SRR: variants seen among roughly 807,000 people sequenced by gnomAD.
SRR encodes the protein D-serine ammonia-lyase.
Under a neutral mutation model 32.7 loss-of-function variants are expected in SRR, and 19 were observed. The ratio of observed to expected loss-of-function variants is 0.58; its 90% CI spans 0.40 to 0.85. The LOEUF (loss-of-function observed/expected upper bound fraction) is 0.85, where lower values mean the gene tolerates loss of function less well. SRR is among the 40% of genes least tolerant of loss of function. The pLI is 0.00. For synonymous variants in SRR, 142 were observed against 140.9 expected, an observed-to-expected ratio of 1.01 and a Z score of -0.06; for missense variants, 373 against 404.7, an observed-to-expected ratio of 0.92 and a Z score of 0.67.
chr17:2,320,065 A>G (rs1034605373), intron 4 of SRR, among the ~76,000 whole-genome samples: 6 of 151,098 alleles, frequency 4.0e-5, no homozygotes, highest in African/African-American at 1.2e-4. Flanking sequence ...TGATCCACCC[A>G]CCTCGGCCTC....
intron 1 of SRR, among the ~76,000 whole-genome samples, chr17:2,304,653 G>T (rs138022112): frequency 0.029 from 4,452 of 151,852 alleles, 109 homozygotes; most frequent in Middle Eastern, 0.078. Flanking sequence ...GACTCGGAAC[G>T]CTGAGACGGG....
Position 2,323,820 on chromosome 17 carries a change from A to G in SRR, c.970A>G (p.Thr324Ala). 4 of 1,614,080 alleles carry G rather than the reference A, an allele frequency of 2.5e-6. No homozygotes were observed. The South Asian group carries it at 3.3e-5, about 13-fold the overall frequency. ...AAATGTAGACTTAACCTCCTCCATA[A>G]CTTGGGTGAAGCAGGCTGAAAGGCC... is the stretch of plus-strand genomic sequence containing the variant. ...GGNVDLTSSI[T>A]WVKQAERPAS... The change falls in exon 8 of 8, where the codon ACT becomes GCT. Residue 324 changes from threonine (T) to alanine (A), a missense_variant. Physicochemically the swap from Thr to Ala is moderately conservative, Grantham distance 58. Transcript: ENST00000344595.
intron 3 of SRR, 58 bp from the exon 4 acceptor site, chr17:2,318,768 C>A: frequency 7.6e-7 from 1 of 1,316,978 alleles, no homozygotes; most frequent in Non-Finnish European, 1.1e-6. Flanking sequence ...CCGTGCCTGG[C>A]CACATAAGTT....
upstream of SRR, chr17:2,303,588 G>A: frequency 1.5e-6 from 2 of 1,376,048 alleles, no homozygotes; most frequent in Non-Finnish European, 9.4e-7. Flanking sequence ...GGAGAGGGAG[G>A]CGGGGCGGGC....
At chr17:2,310,361 C>T (rs538042599) in intron 1 of SRR, among the ~76,000 whole-genome samples, 17 of 152,066 alleles carry the variant, frequency 1.1e-4, no homozygotes, top group African/African-American at 3.4e-4. Flanking sequence ...CCACTACAGG[C>T]GCCTGCCACC....
chr17:2,315,240 CAAA>C (rs397856755), intron 1 of SRR: 201 of 61,312 alleles, frequency 3.3e-3, no homozygotes, highest in Middle Eastern at 0.023. Flanking sequence ...GACTCCGTCT[CAAA>C]AAAAAAAAAA....
intron 1 of SRR, chr17:2,307,060 C>A: frequency 8.4e-7 from 1 of 1,185,818 alleles, no homozygotes; most frequent in Non-Finnish European, 1.2e-6. Context: ...ACCAGATGCC[C>A]ACTTAACTAT....
intron 7 of SRR, 66 bp downstream of exon 7, chr17:2,323,411 C>A: frequency 6.3e-7 from 1 of 1,584,010 alleles, no homozygotes; most frequent in South Asian, 1.1e-5. Flanking sequence ...AGAAACTTCC[C>A]TTAGGAGTAG....
chr17:2,311,070 G>A (rs907811879), intron 1 of SRR, among the ~76,000 whole-genome samples: 10 of 149,830 alleles, frequency 6.7e-5, no homozygotes, highest in South Asian at 2.1e-4. Flanking sequence ...TAATGGAGAC[G>A]GGATTTTACT....
intron 4 of SRR, among the ~76,000 whole-genome samples, chr17:2,320,445 A>G (rs1363654289): frequency 6.8e-6 from 1 of 147,194 alleles, no homozygotes; most frequent in Middle Eastern, 3.9e-3. Flanking sequence ...TAGTACAGAC[A>G]GGGTTTCACC....
intron 6 of SRR, 55 bp from the exon 7 acceptor site, chr17:2,323,081 C>A: frequency 1.3e-6 from 2 of 1,563,772 alleles, no homozygotes; most frequent in Non-Finnish European, 1.8e-6. Context: ...TTCTTTTAGA[C>A]ATGCAGGCAA....
chr17:2,318,747 G>A (rs1396942072), intron 3 of SRR, 79 bp from the exon 4 acceptor site: 20 of 978,670 alleles, frequency 2.0e-5, no homozygotes, highest in African/African-American at 1.1e-4. Flanking sequence ...TGGGATTACA[G>A]GTGTGACCCA....
chr17:2,303,673 G>C, upstream of SRR: 1 of 1,495,506 alleles, frequency 6.7e-7, no homozygotes, highest in South Asian at 1.3e-5. Flanking sequence ...CCAGGATCCC[G>C]CGCAGCTCCG....
chr17:2,304,326 A>G, intron 1 of SRR, among the ~76,000 whole-genome samples: 1 of 151,554 alleles, frequency 6.6e-6, no homozygotes. Flanking sequence ...GTCTCGGCTC[A>G]CTGCAACCTC....
At chr17:2,321,660 A>G in intron 6 of SRR, 44 bp downstream of exon 6, 1 of 1,560,130 alleles carries the variant, frequency 6.4e-7, no homozygotes, top group Non-Finnish European at 8.8e-7. Context: ...CAGAGGATTT[A>G]CTTTACATCC....
intron 3 of SRR, among the ~76,000 whole-genome samples, chr17:2,318,269 T>C (rs1190111629): frequency 6.6e-6 from 1 of 151,590 alleles, no homozygotes; most frequent in Non-Finnish European, 1.5e-5. Flanking sequence ...CTCAGCCTCC[T>C]GAGTAGCTGG....
rs779697164 is a variant in SRR, at chr17:2,324,492, G to A, written c.*619G>A. 20 of 1,614,152 alleles carry A rather than the reference G, an allele frequency of 1.2e-5. No individual in the cohort carries two copies. Among genetic ancestry groups the A allele is most frequent in the East Asian group, 4.5e-5 (2 of 44,888 alleles). On this transcript the variant is annotated 3_prime_UTR_variant, in exon 8 of 8. Coordinates refer to ENST00000344595, the MANE Select transcript of SRR (RefSeq NM_021947.3). ...AAATGCAGACATGGTCTCAAATCCC[G>A]TGTTTCCTTACCTAAAGGTTCCTTG...
chr17:2,317,206 GGAAAAAA>G (rs139207494), intron 2 of SRR, among the ~76,000 whole-genome samples: 30,697 of 111,490 alleles, frequency 0.28, 4,607 homozygotes, highest in East Asian at 0.6. Flanking sequence ...CCATCTCGGG[GGAAAAAA>G]AAAAAAAAAA....
chr17:2,324,244 C>T lies in SRR; in HGVS notation c.*371C>T, dbSNP rs777808627. 5.2e-6 allele frequency: 8 copies of T among 1,531,924 alleles called. No homozygotes were observed. Among genetic ancestry groups the T allele is most frequent in the Non-Finnish European group, 7.0e-6 (8 of 1,146,026 alleles). 94.9% of individuals were successfully genotyped at this position (1,531,924 alleles called of 1,614,324 possible). A position where few individuals can be genotyped will look rare whatever the true frequency, so the allele number is the denominator to read the frequency against. ...CTGTTGAAGAAATCTCACTTTTCAGCCAGGGTACTGGTTCTGGTACATATG... is the reference window on the plus strand; with the variant it reads ...CTGTTGAAGAAATCTCACTTTTCAGTCAGGGTACTGGTTCTGGTACATATG... On this transcript the variant is annotated 3_prime_UTR_variant, in exon 8 of 8. Transcript: ENST00000344595.
Sources: gnomAD v4.1 joint callset for allele counts (sites outside exome capture counted in the v4.1 genomes callset) on GRCh38, gnomAD v4.1.1 for gene constraint, MANE v1.5 for transcripts, NCBI Gene and HGNC (gene_info 2026-07-23, HGNC 2026-07-21) for gene names.